AQP9: variants seen among roughly 807,000 people sequenced by gnomAD.
AQP9 encodes aquaporin-9.
Under a neutral mutation model 23.8 loss-of-function variants are expected in AQP9, and 19 were observed. The ratio of observed to expected loss-of-function variants is 0.80; its 90% confidence interval spans 0.56 to 1.17. The LOEUF (loss-of-function observed/expected upper bound fraction) is 1.17. Ranked by LOEUF, AQP9 falls within the 50% of genes most tolerant of loss-of-function variation. The pLI is 0.00. For missense variants in AQP9, 413 were observed against 362.0 expected, an observed-to-expected ratio of 1.14 and a Z score of -1.14; for synonymous variants, 153 against 131.5, an observed-to-expected ratio of 1.16 and a Z score of -1.12.
chr15:58,154,949 T>TAAG lies in AQP9; in HGVS notation c.112-11721_112-11719dup, dbSNP rs568310195. The TAAG allele has an allele frequency of 3.2e-3, 490 of 152,428 alleles. 4 individuals carry two copies. Among genetic ancestry groups the TAAG allele is most frequent in the African/African-American group, 0.011 (473 of 41,586 alleles). 9.4% of individuals were successfully genotyped at this position (152,428 alleles called of 1,614,324 possible). A position where few individuals can be genotyped will look rare whatever the true frequency, so the allele number is the denominator to read the frequency against. On this transcript the variant is annotated intron_variant, in intron 1 of 5. Coordinates refer to ENST00000219919, the MANE Select transcript of AQP9 (RefSeq NM_020980.5). ...AAAAACCATCATTGTATTTCAACTA[T>TAAG]AAGAACACTAATGACCAAAATATGC...
chr15:58,158,955 G>A (rs1194623450), intron 1 of AQP9, among the ~76,000 whole-genome samples: 2 of 152,126 alleles, frequency 1.3e-5, no homozygotes, highest in Admixed American at 1.3e-4. Context: ...CATACTCACC[G>A]AACAAATATT....
At chr15:58,142,406 G>A (rs896698444) in intron 1 of AQP9, among the ~76,000 whole-genome samples, 4 of 152,166 alleles carry the variant, frequency 2.6e-5, no homozygotes, top group Non-Finnish European at 5.9e-5. Flanking sequence ...ACTTGACAAA[G>A]TTTACAGTTT....
At chr15:58,180,735 C>A (rs1326856461) in intron 5 of AQP9, among the ~76,000 whole-genome samples, 2 of 152,144 alleles carry the variant, frequency 1.3e-5, no homozygotes, top group African/African-American at 4.8e-5. Context: ...GAAGGGGCTG[C>A]TACTGGCATC....
intron 1 of AQP9, 43 bp from the exon 2 acceptor site, chr15:58,166,630 G>T: frequency 1.3e-6 from 2 of 1,559,948 alleles, no homozygotes; most frequent in Non-Finnish European, 1.7e-6. Flanking sequence ...ACTTTTGACA[G>T]TAGCCATCCC....
At chr15:58,172,433 TAGCTGG>T (rs1360977346) in intron 2 of AQP9, among the ~76,000 whole-genome samples, 2 of 152,232 alleles carry the variant, frequency 1.3e-5, no homozygotes, top group Non-Finnish European at 2.9e-5. Context: ...CCGATTTCTC[TAGCTGG>T]AGCTTGGGCT....
chr15:58,161,145 G>A (rs911107851), intron 1 of AQP9, among the ~76,000 whole-genome samples: 4 of 152,086 alleles, frequency 2.6e-5, no homozygotes, highest in African/African-American at 7.2e-5. Context: ...GACTGGAGGT[G>A]GGGACACTGA....
intron 1 of AQP9, among the ~76,000 whole-genome samples, chr15:58,162,706 G>A (rs1248102437): frequency 3.3e-5 from 5 of 152,162 alleles, no homozygotes; most frequent in Non-Finnish European, 4.4e-5. Context: ...CAACCATATT[G>A]TAAAGAAGCC....
At chr15:58,150,482 G>C (rs1898128272) in intron 1 of AQP9, 1 of 152,540 alleles carries the variant, frequency 6.6e-6, no homozygotes, top group South Asian at 2.1e-4. Context: ...CCACCACTTT[G>C]GCTTTGAAGC....
chr15:58,177,202 C>T (rs1485188137), intron 4 of AQP9, among the ~76,000 whole-genome samples: 1 of 152,192 alleles, frequency 6.6e-6, no homozygotes, highest in Non-Finnish European at 1.5e-5. Flanking sequence ...GCTGTAAATA[C>T]TCTTCAAGCA....
chr15:58,173,119 T>A lies in AQP9; in HGVS notation c.290T>A (p.Met97Lys). 1 of 1,614,032 alleles carries A rather than the reference T, an allele frequency of 6.2e-7. No individual in the cohort carries two copies. Among genetic ancestry groups the A allele is most frequent in the Non-Finnish European group, 8.5e-7 (1 of 1,179,894 alleles). ...TTAGCAATGTGTCTCTTTGGACGGATGAAATGGTTCAAATTGCCATTTTAT... is the reference window on the plus strand; with the variant it reads ...TTAGCAATGTGTCTCTTTGGACGGAAGAAATGGTTCAAATTGCCATTTTAT... ...VSLAMCLFGRMKWFKLPFYVG... is the reference protein window; with the variant it reads ...VSLAMCLFGRKKWFKLPFYVG... Residue 97 changes from methionine to lysine, a missense_variant, in exon 3 of 6, where the codon ATG becomes AAG. Met to Lys is a moderately conservative substitution (Grantham distance 95). Transcript: ENST00000219919.
At chr15:58,141,942 C>A (rs145229223) in intron 1 of AQP9, among the ~76,000 whole-genome samples, 205 of 152,302 alleles carry the variant, frequency 1.3e-3, no homozygotes, top group African/African-American at 4.3e-3. Context: ...CTTTGCAGGG[C>A]AGAATCCAGG....
At chr15:58,143,553 C>T (rs1303790760) in intron 1 of AQP9, among the ~76,000 whole-genome samples, 1 of 152,158 alleles carries the variant, frequency 6.6e-6, no homozygotes, top group Non-Finnish European at 1.5e-5. Context: ...CTTAACCACG[C>T]TACAGTTAAC....
chr15:58,157,131 T>A (rs750387003), intron 1 of AQP9, among the ~76,000 whole-genome samples: 4 of 152,212 alleles, frequency 2.6e-5, no homozygotes, highest in Non-Finnish European at 5.9e-5. Flanking sequence ...AATATTTGCA[T>A]CATTTAATGA....
chr15:58,180,417 T>G (rs1298347036), intron 5 of AQP9, among the ~76,000 whole-genome samples: 4 of 152,142 alleles, frequency 2.6e-5, no homozygotes, highest in Non-Finnish European at 5.9e-5. Flanking sequence ...CCACCACAGA[T>G]AGCACTCAGA....
At chr15:58,179,401 G>A (rs577464081) in intron 5 of AQP9, 56 bp downstream of exon 5, 3 of 1,483,668 alleles carry the variant, frequency 2.0e-6, no homozygotes, top group Non-Finnish European at 1.8e-6. Flanking sequence ...CTCACCAGTG[G>A]GGCGGGGCTT....
At chr15:58,174,832 A>G (rs1898703567) in intron 3 of AQP9, 86 bp from the exon 4 acceptor site, 1 of 1,088,996 alleles carries the variant, frequency 9.2e-7, no homozygotes, top group African/African-American at 1.6e-5. Context: ...AATCTGAGTG[A>G]CTGGTTGTTT....
intron 4 of AQP9, among the ~76,000 whole-genome samples, chr15:58,175,567 T>C (rs542971397): frequency 6.0e-4 from 92 of 152,228 alleles, no homozygotes; most frequent in Admixed American, 2.5e-3. Context: ...GTGTAACCAA[T>C]AGCACACCTA....
chr15:58,149,910 A>G lies in AQP9; in HGVS notation c.111+11234A>G, dbSNP rs8035676. Among the ~76,000 whole-genome samples the G allele has an allele frequency of 4.9e-3, 741 of 152,346 alleles. 13 individuals are homozygous for G. The highest frequency in any genetic ancestry group is 0.017 in the African/African-American group (695 of 41,574). On this transcript the variant is annotated intron_variant, in intron 1 of 5. Transcript: ENST00000219919. ...CACCACCTTAGACAAAGTTTTGCCT[A>G]TAGGCAGTCCTTCCTTTGATGGTAG...
At chr15:58,144,241 T>G (rs1156321661) in intron 1 of AQP9, among the ~76,000 whole-genome samples, 2 of 151,670 alleles carry the variant, frequency 1.3e-5, no homozygotes, top group African/African-American at 4.9e-5. Flanking sequence ...TGTGTTTTCT[T>G]ATTGAGGTTT....
Sources: allele counts gnomAD v4.1 joint callset (sites outside exome capture counted in the v4.1 genomes callset), GRCh38; gene constraint gnomAD v4.1.1; transcripts MANE v1.5; gene names NCBI Gene and HGNC (gene_info 2026-07-23, HGNC 2026-07-21).